Variants in PBX1 observed in about 807,000 individuals in gnomAD.
PBX1 encodes the protein pre-B-cell leukemia transcription factor 1.
Under a neutral mutation model 53.4 loss-of-function variants are expected in PBX1, and 6 were observed. That is an observed-to-expected ratio of 0.11 (90% CI 0.06 to 0.22). PBX1 has a LOEUF of 0.22. PBX1 is among the 10% of genes least tolerant of loss of function. The pLI, the probability that PBX1 is intolerant of heterozygous loss-of-function variation, is 1.00. For missense variants in PBX1, 251 were observed against 551.4 expected (o/e 0.46, Z 5.46); for synonymous variants, 204 against 212.3 (o/e 0.96, Z 0.34).
At chr1:164,790,338 GA>G (rs34062084) in intron 2 of PBX1, among the ~76,000 whole-genome samples, 1 of 151,726 alleles carries the variant, frequency 6.6e-6, no homozygotes, top group Non-Finnish European at 1.5e-5. Context: ...GATTTTATTG[GA>G]AAAAAAAGTC....
intron 2 of PBX1, among the ~76,000 whole-genome samples, chr1:164,655,151 T>C (rs1041667419): frequency 1.3e-5 from 2 of 151,870 alleles, no homozygotes; most frequent in Non-Finnish European, 2.9e-5. Context: ...TTCACTTTTG[T>C]TGCCCAGGCT....
chr1:164,799,639 A>G, intron 3 of PBX1, 60 bp from the exon 4 acceptor site: 1 of 1,516,280 alleles, frequency 6.6e-7, no homozygotes, highest in Non-Finnish European at 9.0e-7. Flanking sequence ...AATGTCATAG[A>G]CTTGATGCGT....
intron 2 of PBX1, among the ~76,000 whole-genome samples, chr1:164,606,246 T>G (rs1204168413): frequency 6.6e-6 from 1 of 152,224 alleles, no homozygotes; most frequent in Non-Finnish European, 1.5e-5. Context: ...TCCCAGTGCT[T>G]TGGGAGGCCA....
intron 8 of PBX1, among the ~76,000 whole-genome samples, chr1:164,833,273 C>T (rs2102394253): frequency 6.6e-6 from 1 of 152,206 alleles, no homozygotes; most frequent in South Asian, 2.1e-4. Context: ...CATTCCTTGT[C>T]TAATGTGGTG....
intron 2 of PBX1, chr1:164,642,577 A>G (rs1659210312): frequency 6.6e-6 from 1 of 152,234 alleles, no homozygotes; most frequent in South Asian, 2.1e-4. Context: ...AATCTGTGGT[A>G]GATGGTAAGT....
chr1:164,567,298 C>T (rs1451515491), intron 2 of PBX1, among the ~76,000 whole-genome samples: 2 of 152,146 alleles, frequency 1.3e-5, no homozygotes, highest in East Asian at 3.9e-4. Flanking sequence ...AGTAAAATAA[C>T]TTTAAACCAT....
At chr1:164,729,350 C>T (rs1397491073) in intron 2 of PBX1, among the ~76,000 whole-genome samples, 2 of 152,118 alleles carry the variant, frequency 1.3e-5, no homozygotes, top group East Asian at 1.9e-4. Flanking sequence ...TGCTATTTAT[C>T]CTTGTGCTTC....
At chr1:164,700,331 C>A in intron 2 of PBX1, 1 of 419,210 alleles carries the variant, frequency 2.4e-6, no homozygotes, top group Non-Finnish European at 3.2e-6. Context: ...CTGTGTGAGA[C>A]AGAATGTGCC....
chr1:164,847,067 G>A lies in PBX1; in HGVS notation c.*391G>A, dbSNP rs1375972626. On this transcript the variant is annotated 3_prime_UTR_variant, in exon 9 of 9. Coordinates refer to ENST00000420696, the MANE Select transcript of PBX1 (RefSeq NM_002585.4). ...AAGAAAATAATAAAAGTGTTTGTAC[G>A]TTTTCATGCTGGTGGTTTGAGGAGC... The A allele has an allele frequency of 2.1e-5, 23 of 1,103,042 alleles. No individual in the cohort carries two copies. Among genetic ancestry groups the A allele is most frequent in the East Asian group, 8.6e-5 (2 of 23,326 alleles). 68.3% of individuals were successfully genotyped at this position (1,103,042 alleles called of 1,614,324 possible). A position where few individuals can be genotyped will look rare whatever the true frequency, so the allele number is the denominator to read the frequency against.
rs142611937 is a variant in PBX1, at chr1:164,739,330, G to A, written c.266-53164G>A. On this transcript the variant is annotated intron_variant, in intron 2 of 8. Coordinates refer to ENST00000420696, the MANE Select transcript of PBX1 (RefSeq NM_002585.4). Reference sequence around the variant, plus strand: ...ATGCGATAAAGCTCAAGAAATACGTGGTTGTGGGTTTTATTTTTCCACCTC... The same window carrying A: ...ATGCGATAAAGCTCAAGAAATACGTAGTTGTGGGTTTTATTTTTCCACCTC... Among the ~76,000 whole-genome samples, 370 of 152,272 alleles carry A rather than the reference G, an allele frequency of 2.4e-3. 1 individual carries two copies. The highest frequency in any genetic ancestry group is 8.6e-3 in the African/African-American group (358 of 41,536).
chr1:164,669,974 C>G (rs1413845182), intron 2 of PBX1, among the ~76,000 whole-genome samples: 1 of 152,106 alleles, frequency 6.6e-6, no homozygotes, highest in African/African-American at 2.4e-5. Context: ...AAGCCCTTTC[C>G]ACCCTTCCAA....
intron 2 of PBX1, among the ~76,000 whole-genome samples, chr1:164,564,474 A>G (rs1653290992): frequency 6.6e-6 from 1 of 152,154 alleles, no homozygotes; most frequent in Admixed American, 6.5e-5. Flanking sequence ...CTTTTAAAAA[A>G]ATAGTTTCAA....
chr1:164,870,191 A>ATTTT (rs1553255659), intron 2 of PBX1, among the ~76,000 whole-genome samples: 1 of 126,410 alleles, frequency 7.9e-6, no homozygotes, highest in Non-Finnish European at 1.8e-5. Flanking sequence ...TTCTCTATTG[A>ATTTT]CTTTCTTTCT....
chr1:164,834,015 G>T (rs562272715), intron 8 of PBX1, among the ~76,000 whole-genome samples: 3 of 131,542 alleles, frequency 2.3e-5, no homozygotes, highest in South Asian at 5.2e-4. Context: ...CTGGATATGG[G>T]TATATATATG....
intron 2 of PBX1, among the ~76,000 whole-genome samples, chr1:164,621,026 G>T (rs911360583): frequency 1.3e-5 from 2 of 150,824 alleles, no homozygotes; most frequent in African/African-American, 4.9e-5. Flanking sequence ...GTCTTGCTCT[G>T]TTGCCAAGCT....
intron 2 of PBX1, among the ~76,000 whole-genome samples, chr1:164,671,565 C>T (rs572034562): frequency 1.4e-3 from 219 of 152,146 alleles, no homozygotes; most frequent in African/African-American, 4.5e-3. Flanking sequence ...CTTTAGTTTC[C>T]CCTGTCGTTA....
chr1:164,625,045 G>C (rs1028984210), intron 2 of PBX1, among the ~76,000 whole-genome samples: 1 of 152,170 alleles, frequency 6.6e-6, no homozygotes, highest in Non-Finnish European at 1.5e-5. Context: ...GAATTGAACA[G>C]TTTTCATGAA....
intron 2 of PBX1, among the ~76,000 whole-genome samples, chr1:164,658,021 A>G (rs1186762554): frequency 6.6e-6 from 1 of 152,156 alleles, no homozygotes; most frequent in Non-Finnish European, 1.5e-5. Context: ...TGTCAGGCAG[A>G]TTCTGGGGGA....
chr1:164,819,487 G>A (rs1289021839), intron 6 of PBX1: 1 of 152,166 alleles, frequency 6.6e-6, no homozygotes, highest in Non-Finnish European at 1.5e-5. Context: ...CACCCTGCAA[G>A]AAATTTCACC....
Sources: gnomAD v4.1 joint callset for allele counts (sites outside exome capture counted in the v4.1 genomes callset) on GRCh38, gnomAD v4.1.1 for gene constraint, MANE v1.5 for transcripts, NCBI Gene and HGNC (gene_info 2026-07-23, HGNC 2026-07-21) for gene names.